The following ZNF891 variants were observed in gnomAD, a reference collection of about 807,000 sequenced individuals.
ZNF891 encodes the protein hCG1646157.
For missense variants in ZNF891, 589 were observed against 632.7 expected (o/e 0.93, Z 0.74); for synonymous variants, 199 against 209.0 (o/e 0.95, Z 0.41).
Position 133,106,551 on chromosome 12 carries a change from G to A in ZNF891, c.*13733C>T. On this transcript the variant is annotated 3_prime_UTR_variant, in exon 2 of 2. Coordinates refer to ENST00000537226, the MANE Select transcript of ZNF891 (RefSeq NM_001277291.2). The stretch of plus-strand genomic sequence containing the variant: ...GTATGCAACAAATCCTTCAGCTGGA[G>A]CTCAAACCTTGCTAAACATCAGAGG... 2 of 1,613,882 alleles carry A rather than the reference G, an allele frequency of 1.2e-6. No homozygotes were observed. The highest frequency in any genetic ancestry group is 1.7e-6 in the Non-Finnish European group (2 of 1,179,998).
In ZNF891 at chr12:133,105,181, T is replaced by C. The variant is rs1038513005; in HGVS notation, c.*15103A>G. ...TAGTAGCAGCATTATGAAATTGCCA[T>C]TTTTAGATAATTCTGGCAGTAAATA... On this transcript the variant is annotated 3_prime_UTR_variant, in exon 2 of 2. Coordinates refer to ENST00000537226, the MANE Select transcript of ZNF891 (RefSeq NM_001277291.2). Among the ~76,000 whole-genome samples the C allele has an allele frequency of 6.6e-6, 1 of 152,248 alleles. No homozygotes were observed. Among genetic ancestry groups the C allele is most frequent in the Non-Finnish European group, 1.5e-5 (1 of 68,048 alleles).
At position 133,106,672 on chromosome 12, in the gene ZNF891, CTA is replaced by C. The variant is rs1593815595; in HGVS notation, c.*13610_*13611del. 1 of 1,533,056 alleles carries C rather than the reference CTA, an allele frequency of 6.5e-7. No homozygotes were observed. 95.0% of individuals were successfully genotyped at this position (1,533,056 alleles called of 1,614,324 possible). On this transcript the variant is annotated 3_prime_UTR_variant, in exon 2 of 2. Coordinates refer to ENST00000537226, the MANE Select transcript of ZNF891 (RefSeq NM_001277291.2). ...AGTGAATTTACACTGCAAAGAAAAA[CTA>C]TGAATGTATGGAATTTTTTAAAAAG...
chr12:133,108,614 A>G lies in ZNF891; in HGVS notation c.*11670T>C, dbSNP rs1192648493. On this transcript the variant is annotated 3_prime_UTR_variant, in exon 2 of 2. Transcript: ENST00000537226. ...TTAAACATTTACTATCTAGCCCTTT[A>G]CAGAAAAACTTGGCCAACCCCTGAC... 6.6e-6 allele frequency: 1 copy of G among 152,250 alleles called. No homozygotes were observed. Among genetic ancestry groups the G allele is most frequent in the South Asian group, 2.1e-4 (1 of 4,834 alleles). The allele number at this position is 152,250 out of a possible 1,614,324, so 9.4% of individuals were successfully genotyped here.
At chr12:133,126,220 G>A (rs1380819812) in intron 1 of ZNF891, among the ~76,000 whole-genome samples, 3 of 152,032 alleles carry the variant, frequency 2.0e-5, no homozygotes, top group Non-Finnish European at 4.4e-5. Flanking sequence ...GGGCACGGAG[G>A]CTCATGCCTG....
chr12:133,109,909 T>C lies in ZNF891; in HGVS notation c.*10375A>G, dbSNP rs1268655127. On this transcript the variant is annotated 3_prime_UTR_variant, in exon 2 of 2. Coordinates refer to ENST00000537226, the MANE Select transcript of ZNF891 (RefSeq NM_001277291.2). ...ATAAGAATATGCAACAGTTACCATA[T>C]ATGGCCTGCAAAACCTAGAATATTG... The C allele has an allele frequency of 6.6e-6, 1 of 152,168 alleles. No individual in the cohort carries two copies. Among genetic ancestry groups the C allele is most frequent in the Non-Finnish European group, 1.5e-5 (1 of 68,030 alleles). 9.4% of individuals were successfully genotyped at this position (152,168 alleles called of 1,614,324 possible).
chr12:133,129,488 G>A (rs1593833961), intron 1 of ZNF891, among the ~76,000 whole-genome samples: 2 of 136,142 alleles, frequency 1.5e-5, no homozygotes, highest in African/African-American at 5.8e-5. Flanking sequence ...GCAACAAAGA[G>A]CGAAACTCTG....
intron 1 of ZNF891, among the ~76,000 whole-genome samples, chr12:133,127,909 G>A (rs982567169): frequency 2.0e-5 from 3 of 152,150 alleles, no homozygotes; most frequent in Non-Finnish European, 2.9e-5. Flanking sequence ...AATAAAAAAG[G>A]CAGTCATTAA....
chr12:133,120,470 A>G lies in ZNF891; in HGVS notation c.1449T>C (p.Thr483=), dbSNP rs529649756. The change falls in exon 2 of 2, where the codon ACT becomes ACC. Residue 483 remains threonine, a synonymous_variant. Transcript: ENST00000537226. ...SSLRMHIRTH[T]GEKPYECKEC... is the part of the protein sequence containing the mutation. ...CCTTACATTCATAGGGTTTCTCTCCAGTGTGAGTTCTTATATGCATTCTAA... is the reference window on the plus strand; with the variant it reads ...CCTTACATTCATAGGGTTTCTCTCCGGTGTGAGTTCTTATATGCATTCTAA... The G allele has an allele frequency of 2.7e-5, 43 of 1,603,940 alleles. No individual in the cohort carries two copies. The highest frequency in any genetic ancestry group is 3.5e-5 in the Non-Finnish European group (41 of 1,175,686).
In ZNF891 at chr12:133,117,946, CTTTTTTTTTTT is replaced by C. The variant is rs10593642; in HGVS notation, c.*2327_*2337del. On this transcript the variant is annotated 3_prime_UTR_variant, in exon 2 of 2. Coordinates refer to ENST00000537226, the MANE Select transcript of ZNF891 (RefSeq NM_001277291.2). ...ACTAAAAACATTTACCTTCACCTTC[CTTTTTTTTTTT>C]TTTTTTTTGAGATGAAGTCCTGCTC... 6.2e-5 allele frequency: 8 copies of C among 128,658 alleles called. No individual in the cohort carries two copies. The East Asian group carries it at 1.7e-3, about 28-fold the overall frequency. 8.0% of individuals were successfully genotyped at this position (128,658 alleles called of 1,614,324 possible).
At chr12:133,122,720 C>A (rs1955776857) in intron 1 of ZNF891, among the ~76,000 whole-genome samples, 1 of 152,048 alleles carries the variant, frequency 6.6e-6, no homozygotes, top group African/African-American at 2.4e-5. Flanking sequence ...GCACATGTAC[C>A]CTAGAACTTA....
chr12:133,120,377 T>TA lies in ZNF891; in HGVS notation c.1541_1542insT (p.Lys514AsnfsTer4), dbSNP rs1367320442. 1 of 1,592,940 alleles carries TA rather than the reference T, an allele frequency of 6.3e-7. No individual in the cohort carries two copies. Among genetic ancestry groups the TA allele is most frequent in the African/African-American group, 1.3e-5 (1 of 74,292 alleles). ...TTCCACATTGAATACATTCATAGGG[T>TA]TTCTCTCCAGTGTGAATTCTCACAT... is the stretch of plus-strand genomic sequence containing the variant. On this transcript the variant is annotated frameshift_variant, in exon 2 of 2. Coordinates refer to ENST00000537226, the MANE Select transcript of ZNF891 (RefSeq NM_001277291.2). LOFTEE classifies it low-confidence loss of function (END_TRUNC).
Position 133,105,999 on chromosome 12 carries a change from G to T in ZNF891, c.*14285C>A, listed in dbSNP as rs749048948. 2 of 1,614,048 alleles carry T rather than the reference G, an allele frequency of 1.2e-6. No individual in the cohort carries two copies. ...ATTGAACACCAGAGAACGCACACTG[G>T]GGAGAAACCTTATGAATGTACTGAG... On this transcript the variant is annotated 3_prime_UTR_variant, in exon 2 of 2. Transcript: ENST00000537226.
chr12:133,129,543 G>C (rs558305322), intron 1 of ZNF891, among the ~76,000 whole-genome samples: 7 of 150,484 alleles, frequency 4.7e-5, no homozygotes, highest in Admixed American at 6.6e-5. Context: ...AGTTAAATGC[G>C]TACTAAATAT....
At chr12:133,123,875 A>G (rs750658761) in intron 1 of ZNF891, among the ~76,000 whole-genome samples, 11 of 152,176 alleles carry the variant, frequency 7.2e-5, no homozygotes, top group Admixed American at 1.3e-4. Flanking sequence ...TTTTCTAGTT[A>G]TAGCACTAAT....
Position 133,121,399 on chromosome 12 carries a change from G to C in ZNF891, c.520C>G (p.Gln174Glu), listed in dbSNP as rs909693776. The C allele has an allele frequency of 2.0e-5, 31 of 1,535,922 alleles. No homozygotes were observed. The African/African-American group carries it at 4.1e-4, about 20-fold the overall frequency. The change falls in exon 2 of 2, where the codon CAA becomes GAA. Residue 174 changes from glutamine (Q) to glutamate (E), a missense_variant. Physicochemically the swap from Gln to Glu is conservative, Grantham distance 29. Coordinates refer to ENST00000537226, the MANE Select transcript of ZNF891 (RefSeq NM_001277291.2). ...QHKIPGGHWR[Q>E]MIYAPKKTVP... is the part of the protein sequence containing the mutation. ...GTTTTCTTTGGGGCATATATCATTT[G>C]CCTCCAATGTCCCCCTGGAATCTTA... is the stretch of plus-strand genomic sequence containing the variant.
chr12:133,106,965 A>T lies in ZNF891; in HGVS notation c.*13319T>A, dbSNP rs1272745583. On this transcript the variant is annotated 3_prime_UTR_variant, in exon 2 of 2. Transcript: ENST00000537226. ...TACTTTACGTGTGTAAATTCCTACCAGGAAAGAATACATATCCAATAGATT... is the reference window on the plus strand; with the variant it reads ...TACTTTACGTGTGTAAATTCCTACCTGGAAAGAATACATATCCAATAGATT... The T allele has an allele frequency of 1.5e-5, 3 of 200,436 alleles. No individual in the cohort carries two copies. In the South Asian group the frequency reaches 3.3e-4, roughly 22 times the overall value. 12.4% of individuals were successfully genotyped at this position (200,436 alleles called of 1,614,324 possible).
rs1476993686 is a variant in ZNF891, at chr12:133,115,744, G to A, written c.*4540C>T. 2.0e-5 allele frequency: 3 copies of A among 152,082 alleles called. No individual in the cohort carries two copies. The highest frequency in any genetic ancestry group is 4.8e-5 in the African/African-American group (2 of 41,414). 9.4% of individuals were successfully genotyped at this position (152,082 alleles called of 1,614,324 possible). A position where few individuals can be genotyped will look rare whatever the true frequency, so the allele number is the denominator to read the frequency against. On this transcript the variant is annotated 3_prime_UTR_variant, in exon 2 of 2. Transcript: ENST00000537226. ...TGCAATAAAATCCAGGTGAGATGCTGGGCGAGACTGTGCCTGAGTCTACCT... is the reference window on the plus strand; with the variant it reads ...TGCAATAAAATCCAGGTGAGATGCTAGGCGAGACTGTGCCTGAGTCTACCT...
At position 133,109,888 on chromosome 12, in the gene ZNF891, G is replaced by A. The variant is rs1955668954; in HGVS notation, c.*10396C>T. ...TTTAAAAAGCTGCTTAGAAAAATAA[G>A]AATATGCAACAGTTACCATATATGG... On this transcript the variant is annotated 3_prime_UTR_variant, in exon 2 of 2. Transcript: ENST00000537226. 2 of 152,092 alleles carry A rather than the reference G, an allele frequency of 1.3e-5. No individual in the cohort carries two copies. The highest frequency in any genetic ancestry group is 4.1e-4 in the South Asian group (2 of 4,830). The allele number at this position is 152,092 out of a possible 1,614,324, so 9.4% of individuals were successfully genotyped here.
rs1593810240 is a variant in ZNF891, at chr12:133,105,567, A to T, written c.*14717T>A. On this transcript the variant is annotated 3_prime_UTR_variant, in exon 2 of 2. Transcript: ENST00000537226. ...TCACCAAAAAATGTCATTTATGATG[A>T]CTCATCCCAGTATTTGATCATGGAA... 6.2e-7 allele frequency: 1 copy of T among 1,613,752 alleles called. No individual in the cohort carries two copies. Among genetic ancestry groups the T allele is most frequent in the East Asian group, 2.2e-5 (1 of 44,882 alleles).
Sources: gnomAD v4.1 joint callset for allele counts (sites outside exome capture counted in the v4.1 genomes callset) on GRCh38, gnomAD v4.1.1 for gene constraint, MANE v1.5 for transcripts, NCBI Gene and HGNC (gene_info 2026-07-23, HGNC 2026-07-21) for gene names.